TAFA4: variants seen among roughly 807,000 people sequenced by gnomAD.
The protein encoded by TAFA4 is chemokine-like protein TAFA-4.
Under a neutral mutation model 21.1 loss-of-function variants are expected in TAFA4, and 20 were observed. That is an observed-to-expected ratio of 0.95 (90% CI 0.67 to 1.38). TAFA4 has a LOEUF of 1.38. TAFA4 is among the 40% of genes most tolerant of loss of function. The probability of loss-of-function intolerance (pLI) is 0.00; values close to 1 mark genes in which losing one functional copy is unlikely to be tolerated. For synonymous variants in TAFA4, 71 were observed against 67.4 expected, an observed-to-expected ratio of 1.05 and a Z score of -0.26; for missense variants, 211 against 180.9, an observed-to-expected ratio of 1.17 and a Z score of -0.95.
chr3:68,771,411 C>T (rs1233024667), intron 3 of TAFA4, among the ~76,000 whole-genome samples: 1 of 152,328 alleles, frequency 6.6e-6, no homozygotes, highest in South Asian at 2.1e-4. Context: ...CCAAAAAGTG[C>T]TCCCCATGGC....
chr3:68,845,016 T>C (rs1704752965), intron 3 of TAFA4, among the ~76,000 whole-genome samples: 1 of 152,218 alleles, frequency 6.6e-6, no homozygotes. Context: ...AGGAGCGTTC[T>C]GTAGAGATCT....
intron 1 of TAFA4, among the ~76,000 whole-genome samples, chr3:68,896,503 G>A (rs1007176830): frequency 2.6e-5 from 4 of 152,170 alleles, no homozygotes; most frequent in South Asian, 2.1e-4. Flanking sequence ...TTGAGTAAGT[G>A]AGCAAAATGT....
chr3:68,779,572 A>G (rs12629919), intron 3 of TAFA4, among the ~76,000 whole-genome samples: 51,050 of 151,994 alleles, frequency 0.34, 9,662 homozygotes, highest in East Asian at 0.67. Context: ...AAGGGGCCAA[A>G]GTACAGCTGG....
At chr3:68,837,654 G>A (rs138306776) in intron 3 of TAFA4, among the ~76,000 whole-genome samples, 110 of 152,172 alleles carry the variant, frequency 7.2e-4, no homozygotes, top group African/African-American at 2.6e-3. Context: ...TCAAACACAA[G>A]TGACCCTAGG....
At chr3:68,784,259 T>C (rs890493471) in intron 3 of TAFA4, among the ~76,000 whole-genome samples, 3 of 152,230 alleles carry the variant, frequency 2.0e-5, no homozygotes, top group African/African-American at 2.4e-5. Flanking sequence ...TGTGAAAATA[T>C]TGCAATAAAA....
intron 3 of TAFA4, among the ~76,000 whole-genome samples, chr3:68,806,445 CATATATT>C (rs1479583821): frequency 5.9e-5 from 9 of 152,140 alleles, no homozygotes; most frequent in African/African-American, 1.9e-4. Context: ...ATATTTATGT[CATATATT>C]ATATACTCTA....
chr3:68,920,639 ATTTTTTTTT>A (rs367598663), intron 1 of TAFA4, among the ~76,000 whole-genome samples: 1 of 130,236 alleles, frequency 7.7e-6, no homozygotes, highest in Non-Finnish European at 1.6e-5. Flanking sequence ...TTTTTCTCTA[ATTTTTTTTT>A]TTTTTTTTTT....
intron 3 of TAFA4, among the ~76,000 whole-genome samples, chr3:68,835,367 T>C (rs1704498960): frequency 6.6e-6 from 1 of 152,188 alleles, no homozygotes; most frequent in African/African-American, 2.4e-5. Context: ...GGCAAAATGT[T>C]TCCGCAGAAA....
intron 1 of TAFA4, among the ~76,000 whole-genome samples, chr3:68,930,147 T>A (rs985212014): frequency 2.6e-5 from 4 of 152,088 alleles, no homozygotes; most frequent in African/African-American, 4.8e-5. Flanking sequence ...TTTTCTTTTT[T>A]AATTACTAAA....
At chr3:68,792,548 C>A (rs1030109052) in intron 3 of TAFA4, among the ~76,000 whole-genome samples, 3 of 152,138 alleles carry the variant, frequency 2.0e-5, no homozygotes, top group Non-Finnish European at 4.4e-5. Flanking sequence ...GGATAGTATT[C>A]TTTCTCTATT....
At chr3:68,903,403 C>T (rs755892201) in intron 1 of TAFA4, among the ~76,000 whole-genome samples, 1 of 152,188 alleles carries the variant, frequency 6.6e-6, no homozygotes, top group Non-Finnish European at 1.5e-5. Flanking sequence ...GTTCCTATGA[C>T]TTGGCCGCAA....
intron 3 of TAFA4, among the ~76,000 whole-genome samples, chr3:68,764,958 C>A (rs1232438633): frequency 6.6e-6 from 1 of 152,028 alleles, no homozygotes; most frequent in African/African-American, 2.4e-5. Flanking sequence ...TCCCAGCATC[C>A]CTGAAAAAGC....
At chr3:68,740,169 A>G (rs1702323987) in intron 4 of TAFA4, among the ~76,000 whole-genome samples, 1 of 152,210 alleles carries the variant, frequency 6.6e-6, no homozygotes, top group Non-Finnish European at 1.5e-5. Flanking sequence ...CAGGATGTTA[A>G]GAGGATAAAG....
chr3:68,812,358 C>T (rs1344605494), intron 3 of TAFA4, among the ~76,000 whole-genome samples: 1 of 152,098 alleles, frequency 6.6e-6, no homozygotes, highest in East Asian at 1.9e-4. Flanking sequence ...CTAAATGCTC[C>T]AATTAAAAGA....
At chr3:68,786,857 T>A (rs1703271606) in intron 3 of TAFA4, among the ~76,000 whole-genome samples, 1 of 152,190 alleles carries the variant, frequency 6.6e-6, no homozygotes. Flanking sequence ...AATTTTAATT[T>A]ACTGGGGAAG....
Position 68,739,557 on chromosome 3 carries a change from A to T in TAFA4, c.287-358T>A, listed in dbSNP as rs914025572. The stretch of plus-strand genomic sequence containing the variant: ...CCCTGGAAAAGAGACTGTTATATCA[A>T]AAAGACACCTGCACTCATATGTTTA... On this transcript the variant is annotated intron_variant, in intron 4 of 5. Transcript: ENST00000295569. Among the ~76,000 whole-genome samples, 8 of 152,170 alleles carry T rather than the reference A, an allele frequency of 5.3e-5. 1 individual carries two copies. The highest frequency in any genetic ancestry group is 1.0e-4 in the Non-Finnish European group (7 of 68,012).
intron 3 of TAFA4, among the ~76,000 whole-genome samples, chr3:68,769,098 A>T (rs914397921): frequency 2.0e-5 from 3 of 152,238 alleles, no homozygotes; most frequent in African/African-American, 7.2e-5. Flanking sequence ...GCACAGCAGA[A>T]GGTAAGTGGC....
chr3:68,853,938 A>T (rs1705006543), intron 3 of TAFA4, among the ~76,000 whole-genome samples: 1 of 152,218 alleles, frequency 6.6e-6, no homozygotes, highest in African/African-American at 2.4e-5. Context: ...TTCAGCAAAT[A>T]TTTACTGAGC....
At position 68,879,810 on chromosome 3, in the gene TAFA4, A is replaced by T. The variant is rs17048097; in HGVS notation, c.130+920T>A. On this transcript the variant is annotated intron_variant, in intron 3 of 5. Transcript: ENST00000295569. ...GTAAGAATATCTCATGAACTTTCCA[A>T]ACACAAGACCTTTGGAGACAGAATT... Among the ~76,000 whole-genome samples the T allele has an allele frequency of 6.8e-3, 1,034 of 152,284 alleles. 10 individuals carry two copies. The highest frequency in any genetic ancestry group is 0.024 in the African/African-American group (987 of 41,548).
Sources: allele counts gnomAD v4.1 joint callset (sites outside exome capture counted in the v4.1 genomes callset), GRCh38; gene constraint gnomAD v4.1.1; transcripts MANE v1.5; gene names NCBI Gene and HGNC (gene_info 2026-07-23, HGNC 2026-07-21).